Variants in SOX5 observed in about 807,000 individuals in gnomAD.
SOX5 encodes the protein SRY-box transcription factor 5, also known as transcription factor SOX-5.
In SOX5, 9 loss-of-function variants were observed where a neutral mutation model predicts 92.0. The ratio of observed to expected loss-of-function variants is 0.10; its 90% confidence interval spans 0.06 to 0.17. The LOEUF (loss-of-function observed/expected upper bound fraction) is 0.17, where lower values mean the gene tolerates loss of function less well. Ranked by LOEUF, SOX5 falls within the 10% of genes least tolerant of loss-of-function variation. The probability of loss-of-function intolerance (pLI) is 1.00; values close to 1 mark genes in which losing one functional copy is unlikely to be tolerated. For missense variants in SOX5, 642 were observed against 944.5 expected (o/e 0.68, Z 4.20); for synonymous variants, 344 against 336.3 (o/e 1.02, Z -0.25).
At chr12:23,593,602 A>G (rs1013544030) in intron 9 of SOX5, among the ~76,000 whole-genome samples, 12 of 152,188 alleles carry the variant, frequency 7.9e-5, no homozygotes, top group Non-Finnish European at 1.8e-4. Flanking sequence ...GATGTATTAG[A>G]TCTTTGTATA....
intron 9 of SOX5, among the ~76,000 whole-genome samples, chr12:23,577,610 G>A (rs11046986): frequency 6.6e-6 from 1 of 151,186 alleles, no homozygotes; most frequent in South Asian, 2.1e-4. Flanking sequence ...CTTTGTAATA[G>A]ATCTTATTTC....
At chr12:23,819,301 G>A (rs1175234722) in intron 3 of SOX5, among the ~76,000 whole-genome samples, 1 of 152,158 alleles carries the variant, frequency 6.6e-6, no homozygotes. Flanking sequence ...TATACATGTG[G>A]CCTGTTGTTG....
At chr12:24,338,981 T>C (rs1268623206) in intron 2 of SOX5, among the ~76,000 whole-genome samples, 3 of 152,192 alleles carry the variant, frequency 2.0e-5, no homozygotes, top group Non-Finnish European at 4.4e-5. Flanking sequence ...TTCATTCTTA[T>C]TTATTTCACA....
intron 2 of SOX5, among the ~76,000 whole-genome samples, chr12:23,881,601 G>A (rs958015138): frequency 2.6e-5 from 4 of 152,100 alleles, no homozygotes; most frequent in Non-Finnish European, 5.9e-5. Flanking sequence ...TTAAACTGAT[G>A]TCTCATGATT....
At position 24,250,128 on chromosome 12, in the gene SOX5, A is replaced by C. The variant is rs556946409; in HGVS notation, c.-77+27088T>G. 2.6e-5 allele frequency among the ~76,000 whole-genome samples: 4 copies of C among 152,342 alleles called. No homozygotes were observed. In the South Asian group the frequency reaches 8.3e-4, roughly 32 times the overall value. The stretch of plus-strand genomic sequence containing the variant: ...TCCATCTAAACTGCGTATTCCCAAA[A>C]TCACCTCTGGTTTGAAATACAGTAG... On this transcript the variant is annotated intron_variant, in intron 3 of 4. Coordinates refer to the SOX5 transcript ENST00000446891.
intron 4 of SOX5, among the ~76,000 whole-genome samples, chr12:24,201,284 T>C (rs77848044): frequency 2.6e-5 from 4 of 152,328 alleles, no homozygotes; most frequent in East Asian, 3.9e-4. Context: ...TATTTTGTTA[T>C]GTTTTAGGTC....
intron 4 of SOX5, among the ~76,000 whole-genome samples, chr12:24,104,289 CAATT>C (rs1302342745): frequency 6.6e-6 from 1 of 152,018 alleles, no homozygotes; most frequent in Non-Finnish European, 1.5e-5. Context: ...ATATTAGGTT[CAATT>C]ATTTATTCAT....
intron 3 of SOX5, among the ~76,000 whole-genome samples, chr12:23,769,483 A>C (rs937433222): frequency 6.6e-6 from 1 of 152,172 alleles, no homozygotes; most frequent in African/African-American, 2.4e-5. Flanking sequence ...ACATTAAATT[A>C]ATGAGGCATC....
Position 23,534,534 on chromosome 12 carries a change from G to A in SOX5, c.1989-12C>T, listed in dbSNP as rs775961924. On this transcript the variant is annotated splice_polypyrimidine_tract_variant and intron_variant, in intron 14 of 14. Transcript: ENST00000451604. Reference sequence around the variant, plus strand: ...TCTGTGCTTGTTGCCTGTCAAGAAAGGAATTTCCAAAAAGACATCGTGGGT... The same window carrying A: ...TCTGTGCTTGTTGCCTGTCAAGAAAAGAATTTCCAAAAAGACATCGTGGGT... 2 of 1,600,990 alleles carry A rather than the reference G, an allele frequency of 1.2e-6. No homozygotes were observed. The highest frequency in any genetic ancestry group is 2.2e-5 in the East Asian group (1 of 44,636).
At chr12:24,301,584 C>T (rs556506366) in intron 2 of SOX5, among the ~76,000 whole-genome samples, 2 of 152,248 alleles carry the variant, frequency 1.3e-5, no homozygotes, top group African/African-American at 4.8e-5. Context: ...GTTAATAAAA[C>T]AGTATAAAGC....
intron 1 of SOX5, among the ~76,000 whole-genome samples, chr12:24,417,328 T>C (rs907886583): frequency 1.1e-4 from 17 of 152,182 alleles, no homozygotes; most frequent in African/African-American, 3.9e-4. Context: ...TTTTTGTATG[T>C]GTATGTGAGG....
At chr12:23,815,928 T>G (rs528174322) in intron 3 of SOX5, among the ~76,000 whole-genome samples, 2 of 152,168 alleles carry the variant, frequency 1.3e-5, no homozygotes, top group East Asian at 3.9e-4. Context: ...ACCCTACCAT[T>G]GTAGCGTTAC....
At chr12:24,379,832 TAAAAA>T (rs35373420) in intron 1 of SOX5, among the ~76,000 whole-genome samples, 1 of 140,702 alleles carries the variant, frequency 7.1e-6, no homozygotes, top group Non-Finnish European at 1.5e-5. Flanking sequence ...TTTACCACTT[TAAAAA>T]AAAAAAAGAG....
chr12:23,540,260 A>C (rs1941665034), intron 13 of SOX5, among the ~76,000 whole-genome samples: 1 of 151,730 alleles, frequency 6.6e-6, no homozygotes, highest in South Asian at 2.1e-4. Flanking sequence ...AGATATACCT[A>C]ACGCTAAATG....
At chr12:24,360,194 A>G (rs1346376357) in intron 2 of SOX5, among the ~76,000 whole-genome samples, 1 of 152,166 alleles carries the variant, frequency 6.6e-6, no homozygotes, top group Admixed American at 6.5e-5. Flanking sequence ...TTAATTACAG[A>G]GGCAATTAGT....
At chr12:23,945,533 A>G (rs1944444948) in intron 1 of SOX5, among the ~76,000 whole-genome samples, 1 of 152,176 alleles carries the variant, frequency 6.6e-6, no homozygotes, top group Non-Finnish European at 1.5e-5. Flanking sequence ...TGGTTTATGA[A>G]CTGCCTCATG....
At chr12:24,314,319 A>G (rs1949493771) in intron 2 of SOX5, among the ~76,000 whole-genome samples, 1 of 146,548 alleles carries the variant, frequency 6.8e-6, no homozygotes, top group Non-Finnish European at 1.5e-5. Flanking sequence ...TCCATGGTGT[A>G]TATGTGCCAC....
At chr12:24,141,619 C>T (rs1008154864) in intron 4 of SOX5, among the ~76,000 whole-genome samples, 3 of 152,138 alleles carry the variant, frequency 2.0e-5, no homozygotes, top group African/African-American at 7.2e-5. Flanking sequence ...ACTCACTGTC[C>T]CAATGGACGG....
At chr12:23,701,904 C>T (rs1030339544) in intron 6 of SOX5, among the ~76,000 whole-genome samples, 1 of 152,132 alleles carries the variant, frequency 6.6e-6, no homozygotes, top group Admixed American at 6.6e-5. Flanking sequence ...CAAAGATATA[C>T]CAAATTATGC....
Sources: gnomAD v4.1 joint callset for allele counts (sites outside exome capture counted in the v4.1 genomes callset) on GRCh38, gnomAD v4.1.1 for gene constraint, MANE v1.5 for transcripts, NCBI Gene and HGNC (gene_info 2026-07-23, HGNC 2026-07-21) for gene names.